The following GBF1 variants were observed in gnomAD, a reference collection of about 807,000 sequenced individuals.
GBF1 encodes golgi brefeldin A resistant guanine nucleotide exchange factor 1, also known as Golgi-specific brefeldin A-resistance guanine nucleotide exchange factor 1.
In GBF1, 114 loss-of-function variants were observed where a neutral mutation model predicts 210.5. The observed-to-expected ratio is 0.54, with a 90% CI of 0.47 to 0.63. The LOEUF (loss-of-function observed/expected upper bound fraction) is 0.63. GBF1 is among the 30% of genes least tolerant of loss of function. The probability of loss-of-function intolerance (pLI) is 0.00; values close to 1 mark genes in which losing one functional copy is unlikely to be tolerated. For missense variants in GBF1, 1,851 were observed against 2,357.7 expected, an observed-to-expected ratio of 0.79 and a Z score of 4.45; for synonymous variants, 850 against 889.2, an observed-to-expected ratio of 0.96 and a Z score of 0.78.
In GBF1 at chr10:102,279,091, G is replaced by A. The variant is rs191030348; in HGVS notation, c.163+18975G>A. Among the ~76,000 whole-genome samples the A allele has an allele frequency of 2.0e-4, 31 of 152,200 alleles. 1 individual carries two copies. Among genetic ancestry groups the A allele is most frequent in the Admixed American group, 2.0e-3 (30 of 15,286 alleles). Reference sequence around the variant, plus strand: ...TTGCTTAAAATACTTGTTCTTAGGTGGACACAAACTGTCTTTCTAGCTTGC... The same window carrying A: ...TTGCTTAAAATACTTGTTCTTAGGTAGACACAAACTGTCTTTCTAGCTTGC... On this transcript the variant is annotated intron_variant, in intron 3 of 39. Transcript: ENST00000369983.
intron 3 of GBF1, among the ~76,000 whole-genome samples, chr10:102,269,187 A>G (rs894848304): frequency 1.3e-5 from 2 of 152,214 alleles, no homozygotes; most frequent in African/African-American, 4.8e-5. Flanking sequence ...AAGGGCTGCC[A>G]CATGTGCACA....
chr10:102,233,288 TTTTTTTTTTTTCCTTC>T, the GBF1 span, among the ~76,000 whole-genome samples: 1 of 17,424 alleles, frequency 5.7e-5, no homozygotes, highest in Non-Finnish European at 1.1e-4. Context: ...GACTTCTTTC[TTTTTTTTTTTTCCTTC>T]TTTTTTTTTT....
chr10:102,279,351 C>T (rs1321195946), intron 3 of GBF1, among the ~76,000 whole-genome samples: 1 of 152,168 alleles, frequency 6.6e-6, no homozygotes, highest in Non-Finnish European at 1.5e-5. Flanking sequence ...TGACAACAGC[C>T]ATGTGAAGTG....
chr10:102,356,871 G>A (rs1339679634), intron 8 of GBF1, among the ~76,000 whole-genome samples: 1 of 152,026 alleles, frequency 6.6e-6, no homozygotes, highest in East Asian at 1.9e-4. Flanking sequence ...ACAAACAGGT[G>A]ATAGAGATTG....
At chr10:102,364,816 T>C (rs2059821319) in intron 17 of GBF1, among the ~76,000 whole-genome samples, 1 of 151,650 alleles carries the variant, frequency 6.6e-6, no homozygotes, top group South Asian at 2.1e-4. Context: ...GCCACTGCAC[T>C]CCAGCCTGGG....
chr10:102,365,694 C>G, intron 18 of GBF1, 95 bp downstream of exon 18: 3 of 1,069,398 alleles, frequency 2.8e-6, no homozygotes, highest in East Asian at 2.4e-5. Flanking sequence ...GCAGATCACT[C>G]GAGCTCAGGA....
chr10:102,368,711 G>C, intron 22 of GBF1, 28 bp from the exon 23 acceptor site: 1 of 1,545,890 alleles, frequency 6.5e-7, no homozygotes, highest in Admixed American at 1.7e-5. Flanking sequence ...CAGTGACTCT[G>C]TTTCTGGGAT....
intron 31 of GBF1, 24 bp downstream of exon 31, chr10:102,376,456 T>C (rs764936303): frequency 2.5e-6 from 4 of 1,613,670 alleles, no homozygotes; most frequent in South Asian, 2.2e-5. Flanking sequence ...TGGGCAGCAA[T>C]TGAGTCTCTC....
intron 3 of GBF1, among the ~76,000 whole-genome samples, chr10:102,341,349 G>A (rs2058171429): frequency 6.6e-6 from 1 of 152,158 alleles, no homozygotes; most frequent in Non-Finnish European, 1.5e-5. Flanking sequence ...TATTGCTAGT[G>A]GGAATACAAA....
At chr10:102,298,509 C>A (rs2077088696) in intron 3 of GBF1, among the ~76,000 whole-genome samples, 2 of 152,144 alleles carry the variant, frequency 1.3e-5, no homozygotes, top group African/African-American at 4.8e-5. Context: ...AATATGTGCT[C>A]TTTGTAGTCA....
intron 26 of GBF1, 95 bp downstream of exon 26, chr10:102,370,079 C>G: frequency 1.3e-6 from 2 of 1,540,774 alleles, no homozygotes; most frequent in African/African-American, 1.4e-5. Context: ...GGATTTGTAA[C>G]CAGGGCTGAC....
intron 3 of GBF1, among the ~76,000 whole-genome samples, chr10:102,339,086 G>A (rs1321024843): frequency 6.6e-6 from 1 of 152,146 alleles, no homozygotes; most frequent in Non-Finnish European, 1.5e-5. Context: ...GTATAAGCCG[G>A]GCATGGTGGC....
At chr10:102,231,897 CG>C in the GBF1 span, 1 of 1,557,002 alleles carries the variant, frequency 6.4e-7, no homozygotes, top group Non-Finnish European at 8.8e-7. Flanking sequence ...GCTGCCCAGC[CG>C]GGGTCCCACC....
At chr10:102,300,414 G>A (rs1374269195) in intron 3 of GBF1, among the ~76,000 whole-genome samples, 2 of 152,170 alleles carry the variant, frequency 1.3e-5, no homozygotes, top group African/African-American at 4.8e-5. Flanking sequence ...AAAAGTTAAG[G>A]TCGCAGTGGC....
chr10:102,332,948 GACAA>G lies in GBF1; in HGVS notation c.164-11095_164-11092del, dbSNP rs1028223639. ...GAAAAGAGCCACTGTGAAGAGCTTAGACAAACAAACAGGACTTGCCTTCCCTCCA... is the reference window on the plus strand; with the variant it reads ...GAAAAGAGCCACTGTGAAGAGCTTAGACAAACAGGACTTGCCTTCCCTCCA... On this transcript the variant is annotated intron_variant, in intron 3 of 39. Transcript: ENST00000369983. 3.2e-4 allele frequency among the ~76,000 whole-genome samples: 49 copies of G among 152,326 alleles called. 2 individuals are homozygous for G. The highest frequency in any genetic ancestry group is 7.0e-4 in the African/African-American group (29 of 41,588).
At chr10:102,298,232 C>G (rs1353936141) in intron 3 of GBF1, among the ~76,000 whole-genome samples, 2 of 151,986 alleles carry the variant, frequency 1.3e-5, no homozygotes, top group African/African-American at 4.8e-5. Flanking sequence ...CATGCCCGGC[C>G]GAAACTAATA....
intron 3 of GBF1, among the ~76,000 whole-genome samples, chr10:102,338,780 C>T (rs1383361261): frequency 1.3e-5 from 2 of 151,558 alleles, no homozygotes; most frequent in Admixed American, 1.3e-4. Flanking sequence ...TACCCCGTCT[C>T]TACTAAAAAT....
Position 102,351,864 on chromosome 10 carries a change from AC to A in GBF1, c.440del (p.Pro147GlnfsTer6). 6.2e-7 allele frequency: 1 copy of A among 1,602,964 alleles called. No individual in the cohort carries two copies. Among genetic ancestry groups the A allele is most frequent in the Non-Finnish European group, 8.5e-7 (1 of 1,169,986 alleles). On this transcript the variant is annotated frameshift_variant, in exon 6 of 40. Coordinates refer to ENST00000369983, the MANE Select transcript of GBF1 (RefSeq NM_001377137.1). LOFTEE classifies it high-confidence loss of function. ...ILQVLRTLLL[T>X]PVGAHLTNES... ...ATAGGTTCTACGGACTCTGCTGCTAACCCCAGTGGGTGCCCACCTAACCAAT... is the reference window on the plus strand; with the variant it reads ...ATAGGTTCTACGGACTCTGCTGCTAACCCAGTGGGTGCCCACCTAACCAAT...
chr10:102,352,252 T>G (rs1269009050), intron 6 of GBF1, among the ~76,000 whole-genome samples: 1 of 152,090 alleles, frequency 6.6e-6, no homozygotes, highest in African/African-American at 2.4e-5. Context: ...CTAGAACACA[T>G]CTATACCTCC....
Sources: gnomAD v4.1 joint callset for allele counts (sites outside exome capture counted in the v4.1 genomes callset) on GRCh38, gnomAD v4.1.1 for gene constraint, MANE v1.5 for transcripts, NCBI Gene and HGNC (gene_info 2026-07-23, HGNC 2026-07-21) for gene names.